The following DRP2 variants were observed in gnomAD, a reference collection of about 807,000 sequenced individuals.
DRP2 encodes the protein dystrophin related protein 2.
Under a neutral mutation model 78.2 loss-of-function variants are expected in DRP2, and 29 were observed. The observed-to-expected ratio is 0.37, with a 90% confidence interval of 0.28 to 0.51. DRP2 has a LOEUF of 0.51. Ranked by LOEUF, DRP2 falls within the 20% of genes least tolerant of loss-of-function variation. The pLI, the probability that DRP2 is intolerant of heterozygous loss-of-function variation, is 0.94. For missense variants in DRP2, 686 were observed against 770.6 expected, an observed-to-expected ratio of 0.89 and a Z score of 1.30; for synonymous variants, 290 against 281.9, an observed-to-expected ratio of 1.03 and a Z score of -0.29.
chrX:101,255,090 C>A, intron 19 of DRP2, 94 bp from the exon 20 acceptor site: 6 of 1,094,470 alleles, frequency 5.5e-6, no homozygotes, highest in Non-Finnish European at 7.6e-6. Context: ...GGGCAGCTCT[C>A]AAAGCCAATG....
At chrX:101,224,195 T>TG (rs199766132) in intron 1 of DRP2, among the ~76,000 whole-genome samples, 6,584 of 60,745 alleles carry the variant, frequency 0.11, 599 homozygotes, top group Non-Finnish European at 0.13. Flanking sequence ...TTTTTTGTTT[T>TG]TTTTTTTTTT....
chrX:101,233,737 C>G (rs761248377), intron 3 of DRP2, among the ~76,000 whole-genome samples: 35 of 111,969 alleles, frequency 3.1e-4, no homozygotes, highest in Non-Finnish European at 4.3e-4. Flanking sequence ...TTCCCCTGCC[C>G]CCACCCAGGG....
At chrX:101,236,340 T>C (rs1262059406) in intron 4 of DRP2, among the ~76,000 whole-genome samples, 2 of 112,277 alleles carry the variant, frequency 1.8e-5, no homozygotes, top group Non-Finnish European at 3.8e-5. Context: ...AGTGTGGTCA[T>C]AGGAATTCAA....
At position 101,237,620 on chromosome X, in the gene DRP2, G is replaced by A. The variant is rs201709518; in HGVS notation, c.283G>A (p.Ala95Thr). The A allele has an allele frequency of 6.1e-5, 67 of 1,101,343 alleles. No individual in the cohort carries two copies. In the South Asian group the frequency reaches 1.2e-3, roughly 19 times the overall value. 90.8% of individuals were successfully genotyped at this position (1,101,343 alleles called of 1,213,427 possible). A position where few individuals can be genotyped will look rare whatever the true frequency, so the allele number is the denominator to read the frequency against. The change falls in exon 5 of 24, where the codon GCT (alanine) becomes ACT (threonine). Residue 95 changes from alanine (A) to threonine (T), a missense_variant and splice_region_variant. Physicochemically the swap from Ala to Thr is moderately conservative, Grantham distance 58. This residue lies in a region of DRP2 where 263 missense variants were observed against 239.1 expected (regional missense o/e 1.10). Coordinates refer to ENST00000395209, the MANE Select transcript of DRP2 (RefSeq NM_001939.3). ...ACTGGTTTTACTCATTGTGTGCAGC[G>A]CTCGCCTAGAGGCCTTCTCAGACCA... ...EIKKKSHNLR[A>T]RLEAFSDHSG... is the part of the protein sequence containing the mutation.
At chrX:101,250,791 G>A (rs959713818) in intron 15 of DRP2, 126 bp from the exon 16 acceptor site, 6 of 977,352 alleles carry the variant, frequency 6.1e-6, no homozygotes, top group African/African-American at 3.9e-5. Flanking sequence ...AGGGCAGAAC[G>A]TGAACATCTC....
intron 9 of DRP2, 60 bp downstream of exon 9, chrX:101,243,042 A>G (rs770131846): frequency 1.2e-5 from 13 of 1,080,643 alleles, no homozygotes; most frequent in East Asian, 6.0e-5. Context: ...TGGAGAGTCT[A>G]TTGTTATCCC....
At chrX:101,227,770 A>G (rs941825504) in intron 2 of DRP2, among the ~76,000 whole-genome samples, 6 of 112,144 alleles carry the variant, frequency 5.4e-5, no homozygotes, top group African/African-American at 1.9e-4. Context: ...GAAGAAATCT[A>G]TTCCTTTTCT....
rs897841736 is a variant in DRP2 at position 101,261,730 on chromosome X, G to A, written c.*1109G>A. 3.6e-5 allele frequency: 4 copies of A among 112,411 alleles called. No individual in the cohort carries two copies. The highest frequency in any genetic ancestry group is 1.3e-4 in the African/African-American group (4 of 30,945). The allele number at this position is 112,411 out of a possible 1,213,427, so 9.3% of individuals were successfully genotyped here. Reference sequence around the variant, plus strand: ...CAGGAAGCTGGCCACTTTCCACCCAGACAACAACAGCAAGGCCTTCCTGTG... The same window carrying A: ...CAGGAAGCTGGCCACTTTCCACCCAAACAACAACAGCAAGGCCTTCCTGTG... On this transcript the variant is annotated 3_prime_UTR_variant, in exon 24 of 24. Transcript: ENST00000395209.
At chrX:101,259,612 C>A (rs1489412729) in intron 22 of DRP2, among the ~76,000 whole-genome samples, 1 of 111,756 alleles carries the variant, frequency 8.9e-6, no homozygotes, top group African/African-American at 3.3e-5. Flanking sequence ...GATTCTCCTG[C>A]CTCAGCCTCC....
rs758017507 is a variant in DRP2, at chrX:101,245,008, C to T, written c.1055-9C>T. The T allele has an allele frequency of 1.7e-6, 2 of 1,205,795 alleles. No individual in the cohort carries two copies. Among genetic ancestry groups the T allele is most frequent in the Non-Finnish European group, 2.2e-6 (2 of 892,606 alleles). ...CAGCTTTTTTTCTCTTTCTCTTCTC[C>T]TTTACCAGCCTCTGTCCAGGTTCCC... On this transcript the variant is annotated splice_polypyrimidine_tract_variant and intron_variant, in intron 9 of 23. Transcript: ENST00000395209.
At chrX:101,244,857 C>G (rs982485402) in intron 9 of DRP2, among the ~76,000 whole-genome samples, 160 bp from the exon 10 acceptor site, 3 of 112,425 alleles carry the variant, frequency 2.7e-5, no homozygotes, top group African/African-American at 9.7e-5. Context: ...CATTAGAACT[C>G]TTTGTCCCAC....
chrX:101,248,632 GGGTAGAGGGAAA>G (rs768627882), intron 14 of DRP2, 33 bp downstream of exon 14: 3 of 1,152,454 alleles, frequency 2.6e-6, no homozygotes, highest in Non-Finnish European at 2.4e-6. Context: ...GAGTGGTGTT[GGGTAGAGGGAAA>G]GGTGTTGCAG....
intron 17 of DRP2, among the ~76,000 whole-genome samples, chrX:101,253,362 A>T (rs1459461479): frequency 9.1e-6 from 1 of 109,607 alleles, no homozygotes; most frequent in Non-Finnish European, 1.9e-5. Context: ...TAAAACCCAC[A>T]GCTCCATGCT....
intron 4 of DRP2, among the ~76,000 whole-genome samples, chrX:101,236,742 C>T (rs1437656403): frequency 8.9e-6 from 1 of 112,296 alleles, no homozygotes; most frequent in East Asian, 2.8e-4. Context: ...TTCAAATCAT[C>T]GCTCTATCAA....
intron 2 of DRP2, 86 bp downstream of exon 2, chrX:101,224,792 A>G (rs1443289429): frequency 1.8e-5 from 2 of 112,617 alleles, no homozygotes; most frequent in Non-Finnish European, 3.8e-5. Context: ...TGTGCCGATA[A>G]GTGGCCAAGG....
chrX:101,260,154 G>A lies in DRP2; in HGVS notation c.2734G>A (p.Asp912Asn). The change falls in exon 23 of 24, where the codon GAT becomes AAT. Residue 912 changes from aspartate (D) to asparagine (N), a missense_variant. Physicochemically the swap from Asp to Asn is conservative, Grantham distance 23. Coordinates refer to ENST00000395209, the MANE Select transcript of DRP2 (RefSeq NM_001939.3). ...CCGGGAGAAGGGACAGACTACTCCA[G>A]ATACCGAGGCTGCAGGTGAGTTCCC... ...HPREKGQTTP[D>N]TEAADDVGSK... 8.3e-7 allele frequency: 1 copy of A among 1,211,461 alleles called. No homozygotes were observed. The highest frequency in any genetic ancestry group is 1.1e-6 in the Non-Finnish European group (1 of 895,409).
At chrX:101,243,005 C>T (rs773630267) in intron 9 of DRP2, 23 bp downstream of exon 9, 18 of 1,192,501 alleles carry the variant, frequency 1.5e-5, no homozygotes, top group Non-Finnish European at 1.9e-5. Context: ...AACTGGACTC[C>T]ACTTAGCAGA....
intron 20 of DRP2, 116 bp from the exon 21 acceptor site, chrX:101,256,002 G>A (rs990692012): frequency 8.5e-6 from 8 of 939,673 alleles, no homozygotes; most frequent in Non-Finnish European, 5.6e-6. Flanking sequence ...TTTCCCTCTC[G>A]ATGTGACTTA....
chrX:101,255,281 A>G (rs753001000), intron 20 of DRP2, 32 bp downstream of exon 20: 53 of 1,177,478 alleles, frequency 4.5e-5, no homozygotes, highest in Admixed American at 4.4e-4. Flanking sequence ...TTTGCCAGAA[A>G]TAGTTCTCCT....
Sources: allele counts gnomAD v4.1 joint callset (sites outside exome capture counted in the v4.1 genomes callset), GRCh38; gene constraint gnomAD v4.1.1; regional missense constraint gnomAD v4.1.1; transcripts MANE v1.5; gene names NCBI Gene and HGNC (gene_info 2026-07-23, HGNC 2026-07-21).